The following GTF2IRD1 variants were observed in gnomAD, a reference collection of about 807,000 sequenced individuals.
GTF2IRD1 encodes GTF2I repeat domain containing 1.
GTF2IRD1 carries 26 observed loss-of-function variants against 113.2 expected under a neutral mutation model. The ratio of observed to expected loss-of-function variants is 0.23; its 90% confidence interval spans 0.17 to 0.32. The LOEUF is 0.32. GTF2IRD1 is among the 10% of genes least tolerant of loss of function. GTF2IRD1 has a pLI of 1.00. For missense variants in GTF2IRD1, 864 were observed against 1,280.8 expected (o/e 0.67, Z 4.97); for synonymous variants, 484 against 529.1 (o/e 0.91, Z 1.17).
chr7:74,571,345 G>A (rs750177222), intron 22 of GTF2IRD1, among the ~76,000 whole-genome samples: 1 of 152,264 alleles, frequency 6.6e-6, no homozygotes, highest in Admixed American at 6.5e-5. Context: ...TGGCCAGGAT[G>A]GAGCGGGGAC....
At chr7:74,532,070 A>G (rs904698947) in intron 9 of GTF2IRD1, among the ~76,000 whole-genome samples, 1 of 152,180 alleles carries the variant, frequency 6.6e-6, no homozygotes, top group South Asian at 2.1e-4. Context: ...GAGGCTGGCC[A>G]GCGACCCCTT....
rs55634982 is a variant in GTF2IRD1 at position 74,538,687 on chromosome 7, C to T, written c.1455C>T (p.Ser485=). 5,672 of 1,592,012 alleles carry T rather than the reference C, an allele frequency of 3.6e-3. 158 individuals are homozygous for T. In the African/African-American group the frequency reaches 0.06, roughly 17 times the overall value. ...TTCCTTTCCTCCTTGCAGGAACCTC[C>T]GGGGAGCTGGGCGGGCTGAGGCCGA... ...SMSEDCGPGT[S]GELGGLRPIK... is the part of the protein sequence containing the mutation. The change falls in exon 13 of 27, where the codon TCC becomes TCT. Residue 485 remains serine, a synonymous_variant. Coordinates refer to ENST00000424337, the MANE Select transcript of GTF2IRD1 (RefSeq NM_005685.4).
At chr7:74,492,633 G>C (rs1317379202) in intron 1 of GTF2IRD1, among the ~76,000 whole-genome samples, 1 of 152,122 alleles carries the variant, frequency 6.6e-6, no homozygotes, top group African/African-American at 2.4e-5. Flanking sequence ...AAAAGTGTCT[G>C]TTCATGTCCT....
At chr7:74,570,240 G>A (rs1387054552) in intron 22 of GTF2IRD1, among the ~76,000 whole-genome samples, 1 of 151,908 alleles carries the variant, frequency 6.6e-6, no homozygotes, top group East Asian at 1.9e-4. Context: ...GCGGACGCCT[G>A]TAATCCCAGC....
At chr7:74,508,923 G>A (rs563960733) in intron 2 of GTF2IRD1, among the ~76,000 whole-genome samples, 11 of 152,172 alleles carry the variant, frequency 7.2e-5, no homozygotes, top group East Asian at 1.9e-4. Flanking sequence ...GAGAGAAACC[G>A]AGCTTTGTAT....
intron 15 of GTF2IRD1, among the ~76,000 whole-genome samples, chr7:74,545,487 G>A (rs768594103): frequency 6.6e-6 from 1 of 152,130 alleles, no homozygotes; most frequent in Non-Finnish European, 1.5e-5. Context: ...GTCACTCCTA[G>A]TCCACAGAAC....
At chr7:74,539,458 A>C (rs587700600) in intron 13 of GTF2IRD1, among the ~76,000 whole-genome samples, 1 of 152,096 alleles carries the variant, frequency 6.6e-6, no homozygotes, top group Admixed American at 6.5e-5. Flanking sequence ...AAAAAAAAAG[A>C]AATGACTGGG....
chr7:74,542,475 G>A (rs1554352065), intron 14 of GTF2IRD1, among the ~76,000 whole-genome samples: 1 of 152,204 alleles, frequency 6.6e-6, no homozygotes, highest in African/African-American at 2.4e-5. Flanking sequence ...AATTGATTGT[G>A]CTTTGCTTAC....
chr7:74,526,157 G>T (rs1554347192), intron 8 of GTF2IRD1, among the ~76,000 whole-genome samples: 1 of 152,272 alleles, frequency 6.6e-6, no homozygotes, highest in South Asian at 2.1e-4. Context: ...TGCCTTGGGA[G>T]GGTTCTGCCC....
Position 74,526,753 on chromosome 7 carries a change from C to T in GTF2IRD1, c.1090+2599C>T, listed in dbSNP as rs1309452355. 2.0e-5 allele frequency among the ~76,000 whole-genome samples: 3 copies of T among 147,804 alleles called. No individual in the cohort carries two copies. The East Asian group carries it at 6.1e-4, about 30-fold the overall frequency. On this transcript the variant is annotated intron_variant, in intron 8 of 26. Coordinates refer to ENST00000424337, the MANE Select transcript of GTF2IRD1 (RefSeq NM_005685.4). ...ACAAATTCACAGGCACTCAAAGGACCAATTGCTCAAGGGCTGGGGCTGGGG... is the reference window on the plus strand; with the variant it reads ...ACAAATTCACAGGCACTCAAAGGACTAATTGCTCAAGGGCTGGGGCTGGGG...
intron 1 of GTF2IRD1, among the ~76,000 whole-genome samples, chr7:74,500,360 A>C (rs1051532205): frequency 4.6e-5 from 7 of 151,596 alleles, no homozygotes; most frequent in Non-Finnish European, 1.0e-4. Flanking sequence ...AGGTGGGTGG[A>C]TCGCTTGGGC....
chr7:74,488,059 T>C (rs1384935769), intron 1 of GTF2IRD1, among the ~76,000 whole-genome samples: 9 of 152,092 alleles, frequency 5.9e-5, no homozygotes, highest in Non-Finnish European at 1.3e-4. Context: ...GGTGAGAAGA[T>C]CACTTGAGGC....
At chr7:74,552,546 C>A (rs149372466) in intron 17 of GTF2IRD1, among the ~76,000 whole-genome samples, 1 of 151,566 alleles carries the variant, frequency 6.6e-6, no homozygotes, top group East Asian at 2.1e-4. Context: ...GTAGCAGGAG[C>A]CAGATCACAT....
At chr7:74,528,992 C>T (rs964904403) in intron 8 of GTF2IRD1, among the ~76,000 whole-genome samples, 10 of 133,536 alleles carry the variant, frequency 7.5e-5, no homozygotes, top group Admixed American at 3.7e-4. Flanking sequence ...GATGGATAGA[C>T]GGATGGATGG....
At chr7:74,535,897 G>A (rs1798264816) in intron 10 of GTF2IRD1, among the ~76,000 whole-genome samples, 1 of 152,188 alleles carries the variant, frequency 6.6e-6, no homozygotes, top group African/African-American at 2.4e-5. Flanking sequence ...AACCATCTCT[G>A]GTTGCTGCCT....
chr7:74,497,865 C>T (rs1158825615), intron 1 of GTF2IRD1, among the ~76,000 whole-genome samples: 6 of 152,238 alleles, frequency 3.9e-5, no homozygotes, highest in East Asian at 3.9e-4. Context: ...CCACCATGCC[C>T]GGCTAATTTT....
At chr7:74,477,918 C>T (rs782711835) in intron 1 of GTF2IRD1, among the ~76,000 whole-genome samples, 4 of 152,192 alleles carry the variant, frequency 2.6e-5, no homozygotes, top group Non-Finnish European at 5.9e-5. Context: ...GTCTGGCAAG[C>T]GAAGGGTTCT....
intron 4 of GTF2IRD1, among the ~76,000 whole-genome samples, chr7:74,516,943 G>A (rs1430715713): frequency 6.6e-6 from 1 of 151,766 alleles, no homozygotes; most frequent in Non-Finnish European, 1.5e-5. Context: ...CTGTGCCCCC[G>A]AGCCCCCATC....
intron 1 of GTF2IRD1, among the ~76,000 whole-genome samples, chr7:74,472,113 T>C (rs566618563): frequency 6.6e-6 from 1 of 152,366 alleles, no homozygotes; most frequent in African/African-American, 2.4e-5. Context: ...AACTGGCCTT[T>C]CCAGAGTAAC....
Sources: gnomAD v4.1 joint callset for allele counts (sites outside exome capture counted in the v4.1 genomes callset) on GRCh38, gnomAD v4.1.1 for gene constraint, MANE v1.5 for transcripts, NCBI Gene and HGNC (gene_info 2026-07-23, HGNC 2026-07-21) for gene names.